Variants in MROH2A observed in about 807,000 individuals in gnomAD.
The protein encoded by MROH2A is maestro heat-like repeat-containing protein family member 2A.
A neutral mutation model predicts 200.4 loss-of-function variants in MROH2A; 174 were observed. That is an observed-to-expected ratio of 0.87 (90% confidence interval 0.77 to 0.98). MROH2A has a LOEUF of 0.98. Ranked by LOEUF, MROH2A falls within the 50% of genes least tolerant of loss-of-function variation. The probability of loss-of-function intolerance (pLI) is 0.00; values close to 1 mark genes in which losing one functional copy is unlikely to be tolerated. For synonymous variants in MROH2A, 829 were observed against 840.4 expected (o/e 0.99, Z 0.23); for missense variants, 2,045 against 2,139.6 (o/e 0.96, Z 0.87).
At chr2:233,782,188 AT>A (rs375604672) in intron 3 of MROH2A, among the ~76,000 whole-genome samples, 21 of 152,062 alleles carry the variant, frequency 1.4e-4, no homozygotes, top group African/African-American at 5.1e-4. Context: ...TTTGCTCAGG[AT>A]TGGTTTGTCT....
intron 3 of MROH2A, among the ~76,000 whole-genome samples, chr2:233,788,986 C>T (rs1369405018): frequency 6.9e-6 from 1 of 144,830 alleles, no homozygotes; most frequent in African/African-American, 2.6e-5. Flanking sequence ...CTTGTCATGC[C>T]TGATTAAAAG....
In MROH2A at chr2:233,807,183, A is replaced by T. The variant is rs1304999594; in HGVS notation, c.2053-240A>T. Among the ~76,000 whole-genome samples, 1 of 152,094 alleles carries T rather than the reference A, an allele frequency of 6.6e-6. No homozygotes were observed. The highest frequency in any genetic ancestry group is 2.4e-5 in the African/African-American group (1 of 41,410). ...ATATAATATGAACTGATATATGTAT[A>T]TATAAACTGATATATGTATGTATGT... On this transcript the variant is annotated intron_variant, in intron 19 of 41. Coordinates refer to ENST00000389758, the MANE Select transcript of MROH2A (RefSeq NM_001394639.1). The surrounding 1 kb of genome is among the most constrained non-coding windows in gnomAD (Gnocchi z 4.3).
In MROH2A at chr2:233,779,882, C is replaced by T. The variant is rs371101831; in HGVS notation, c.276+30C>T. 4.1e-5 allele frequency: 62 copies of T among 1,529,308 alleles called. 1 individual carries two copies. In the African/African-American group the frequency reaches 6.7e-4, roughly 17 times the overall value. The allele number at this position is 1,529,308 out of a possible 1,614,324, so 94.7% of individuals were successfully genotyped here. On this transcript the variant is annotated intron_variant, in intron 3 of 41. Coordinates refer to ENST00000389758, the MANE Select transcript of MROH2A (RefSeq NM_001394639.1). Reference sequence around the variant, plus strand: ...GGCCATCTTACCCACTGGGCTCAGCCACCTTTAGCTCTGTGTGCATCCATC... The same window carrying T: ...GGCCATCTTACCCACTGGGCTCAGCTACCTTTAGCTCTGTGTGCATCCATC...
rs1168211350 is a variant in MROH2A, at chr2:233,807,563, C to T, written c.2172+21C>T. The T allele has an allele frequency of 2.6e-6, 4 of 1,549,870 alleles. No homozygotes were observed. The highest frequency in any genetic ancestry group is 3.5e-6 in the Non-Finnish European group (4 of 1,146,722). On this transcript the variant is annotated intron_variant, in intron 20 of 41. Coordinates refer to ENST00000389758, the MANE Select transcript of MROH2A (RefSeq NM_001394639.1). The surrounding 1 kb of genome is among the most constrained non-coding windows in gnomAD (Gnocchi z 4.3). ...GCGAGGTGAGGGTGCCTGCAGCCTC[C>T]TCCTGTCCACCAGATGCCTCTGGAC...
chr2:233,812,272 G>T (rs965385056), intron 24 of MROH2A, among the ~76,000 whole-genome samples: 93 of 152,358 alleles, frequency 6.1e-4, no homozygotes, highest in African/African-American at 2.2e-3. Flanking sequence ...GAAGAGCATT[G>T]CAAGCATCCT....
chr2:233,819,222 T>G, intron 29 of MROH2A, 95 bp from the exon 30 acceptor site: 1 of 1,267,552 alleles, frequency 7.9e-7, no homozygotes, highest in Non-Finnish European at 1.1e-6. Context: ...GATAGGAGCC[T>G]GGAGTGGGGC....
intron 28 of MROH2A, among the ~76,000 whole-genome samples, 179 bp from the exon 29 acceptor site, chr2:233,818,473 G>A (rs563385929): frequency 3.9e-5 from 6 of 152,238 alleles, no homozygotes; most frequent in African/African-American, 1.2e-4. Context: ...GCGGAGAGGT[G>A]GTGCGGGCAG....
intron 35 of MROH2A, among the ~76,000 whole-genome samples, chr2:233,827,114 A>G (rs1199332566): frequency 2.6e-5 from 4 of 152,228 alleles, no homozygotes; most frequent in Non-Finnish European, 1.5e-5. Context: ...ACACTTTTAC[A>G]CTGTTGGTGG....
At chr2:233,819,837 TG>T in intron 30 of MROH2A, 64 bp from the exon 31 acceptor site, 1 of 1,433,742 alleles carries the variant, frequency 7.0e-7, no homozygotes. Context: ...GGGCATGTCA[TG>T]GGGTTAGTGC....
At chr2:233,795,566 G>C in intron 8 of MROH2A, 87 bp from the exon 9 acceptor site, 1 of 1,541,618 alleles carries the variant, frequency 6.5e-7, no homozygotes, top group Non-Finnish European at 8.8e-7. Context: ...TGCTCAGTGG[G>C]TCAGTGGGCC....
At chr2:233,784,870 C>A (rs1206705363) in intron 3 of MROH2A, among the ~76,000 whole-genome samples, 1 of 152,164 alleles carries the variant, frequency 6.6e-6, no homozygotes, top group Non-Finnish European at 1.5e-5. Context: ...AAAATGTAGG[C>A]CAGGCGCAGT....
chr2:233,823,582 A>G lies in MROH2A; in HGVS notation c.4031A>G (p.His1344Arg). Residue 1344 changes from histidine (H) to arginine (R), a missense_variant, in exon 35 of 42, where the codon CAC becomes CGC. This residue lies in a region of MROH2A where 1,201 missense variants were observed against 1,311.3 expected (regional missense o/e 0.92). Coordinates refer to ENST00000389758, the MANE Select transcript of MROH2A (RefSeq NM_001394639.1). ...CTGTGCATGCAGCACGTGGAGGGCCACAGGCAGAGGCTGGCCGAGCTGGTG... is the reference window on the plus strand; with the variant it reads ...CTGTGCATGCAGCACGTGGAGGGCCGCAGGCAGAGGCTGGCCGAGCTGGTG... ...ARLCMQHVEG[H>R]RQRLAELVLR... 3 of 1,550,334 alleles carry G rather than the reference A, an allele frequency of 1.9e-6. No individual in the cohort carries two copies. Among genetic ancestry groups the G allele is most frequent in the Non-Finnish European group, 2.6e-6 (3 of 1,146,966 alleles).
rs1203415860 is a variant in MROH2A at position 233,811,943 on chromosome 2, G to A, written c.2635G>A (p.Ala879Thr). 2 of 1,549,736 alleles carry A rather than the reference G, an allele frequency of 1.3e-6. No individual in the cohort carries two copies. Among genetic ancestry groups the A allele is most frequent in the Non-Finnish European group, 8.7e-7 (1 of 1,146,494 alleles). Residue 879 changes from alanine to threonine, a missense_variant, in exon 24 of 42, where the codon GCC becomes ACC. Transcript: ENST00000389758. Reference sequence around the variant, plus strand: ...TCCAGTGCGAGCCTTGGCGATGGAGGCCCTCTCGCACCTGAGGTGAGCTGG... The same window carrying A: ...TCCAGTGCGAGCCTTGGCGATGGAGACCCTCTCGCACCTGAGGTGAGCTGG... The part of the protein sequence containing the change: ...VSPVRALAME[A>T]LSHLSKLKPF...
At chr2:233,825,345 C>T (rs1704232470) in intron 35 of MROH2A, among the ~76,000 whole-genome samples, 1 of 152,230 alleles carries the variant, frequency 6.6e-6, no homozygotes, top group Admixed American at 6.5e-5. Context: ...CTGGCCGGAA[C>T]TTCCAATACT....
At chr2:233,782,470 A>G (rs1037072916) in intron 3 of MROH2A, among the ~76,000 whole-genome samples, 1 of 152,192 alleles carries the variant, frequency 6.6e-6, no homozygotes, top group African/African-American at 2.4e-5. Context: ...TGTAAATGAA[A>G]TGGATTTCTT....
In MROH2A at chr2:233,820,105, T is replaced by C; in HGVS notation, c.3512+49T>C. 1 of 1,448,380 alleles carries C rather than the reference T, an allele frequency of 6.9e-7. No individual in the cohort carries two copies. Among genetic ancestry groups the C allele is most frequent in the Non-Finnish European group, 9.2e-7 (1 of 1,087,518 alleles). 89.7% of individuals were successfully genotyped at this position (1,448,380 alleles called of 1,614,324 possible). A position where few individuals can be genotyped will look rare whatever the true frequency, so the allele number is the denominator to read the frequency against. On this transcript the variant is annotated intron_variant, in intron 31 of 41. Coordinates refer to ENST00000389758, the MANE Select transcript of MROH2A (RefSeq NM_001394639.1). This position sits in a 1 kb window ranked among gnomAD's most constrained non-coding sequence, Gnocchi z 4.1. Reference sequence around the variant, plus strand: ...CCCGGCCTCCTGTGCCATTTGACCATGCCCAACTCACCACCCCGATGTGTC... The same window carrying C: ...CCCGGCCTCCTGTGCCATTTGACCACGCCCAACTCACCACCCCGATGTGTC...
Position 233,787,569 on chromosome 2 carries a change from T to C in MROH2A, c.277-1928T>C, listed in dbSNP as rs1347968570. On this transcript the variant is annotated intron_variant, in intron 3 of 41. Coordinates refer to ENST00000389758, the MANE Select transcript of MROH2A (RefSeq NM_001394639.1). The stretch of plus-strand genomic sequence containing the variant: ...ATATATATTATATATACATATATAT[T>C]ATATATATCATATATACATATATAT... Among the ~76,000 whole-genome samples, 7 of 62,086 alleles carry C rather than the reference T, an allele frequency of 1.1e-4. 1 individual carries two copies. Among genetic ancestry groups the C allele is most frequent in the Non-Finnish European group, 1.6e-4 (6 of 36,914 alleles). 40.7% of individuals were successfully genotyped at this position (62,086 alleles called of 152,430 possible). A position where few individuals can be genotyped will look rare whatever the true frequency, so the allele number is the denominator to read the frequency against.
chr2:233,810,430 G>T (rs1260442708), intron 22 of MROH2A, among the ~76,000 whole-genome samples: 3 of 152,338 alleles, frequency 2.0e-5, no homozygotes, highest in African/African-American at 7.2e-5. Flanking sequence ...CATGAGAATA[G>T]CATGGGAGAG....
intron 33 of MROH2A, 55 bp from the exon 34 acceptor site, chr2:233,822,826 C>G: frequency 6.5e-7 from 1 of 1,539,634 alleles, no homozygotes; most frequent in Middle Eastern, 1.7e-4. Flanking sequence ...AGCAGCCTCC[C>G]CAGGCCATGC....
Sources: allele counts gnomAD v4.1 joint callset (sites outside exome capture counted in the v4.1 genomes callset), GRCh38; gene constraint gnomAD v4.1.1; regional missense constraint gnomAD v4.1.1; non-coding constraint Gnocchi (gnomAD v3.1); transcripts MANE v1.5; gene names NCBI Gene and HGNC (gene_info 2026-07-23, HGNC 2026-07-21).